Variants in ABHD12B observed in about 807,000 individuals in gnomAD.
The protein encoded by ABHD12B is protein ABHD12B.
ABHD12B carries 42 observed loss-of-function variants against 50.4 expected under a neutral mutation model. The ratio of observed to expected loss-of-function variants is 0.83; its 90% CI spans 0.65 to 1.08. The LOEUF (loss-of-function observed/expected upper bound fraction) is 1.08. Ranked by LOEUF, ABHD12B falls within the 50% of genes least tolerant of loss-of-function variation. The pLI, the probability that ABHD12B is intolerant of heterozygous loss-of-function variation, is 0.00. For missense variants in ABHD12B, 479 were observed against 447.7 expected, an observed-to-expected ratio of 1.07 and a Z score of -0.63; for synonymous variants, 167 against 160.3, an observed-to-expected ratio of 1.04 and a Z score of -0.32.
chr14:50,901,147 C>T (rs184144281), intron 9 of ABHD12B, among the ~76,000 whole-genome samples: 1 of 152,218 alleles, frequency 6.6e-6, no homozygotes, highest in East Asian at 1.9e-4. Context: ...GGATTTTTAT[C>T]CTTTACTCCT....
chr14:50,880,248 T>C (rs917665253), intron 3 of ABHD12B, among the ~76,000 whole-genome samples: 7 of 152,214 alleles, frequency 4.6e-5, no homozygotes, highest in Admixed American at 2.0e-4. Flanking sequence ...GCATTGTCTC[T>C]GTGCATGGGG....
At chr14:50,898,879 C>T (rs2050229320) in intron 9 of ABHD12B, among the ~76,000 whole-genome samples, 2 of 152,172 alleles carry the variant, frequency 1.3e-5, no homozygotes, top group African/African-American at 4.8e-5. Flanking sequence ...AAAGTTCAGG[C>T]CAGACAAATC....
chr14:50,892,418 G>A (rs2050131972), intron 9 of ABHD12B: 1 of 985,428 alleles, frequency 1.0e-6, no homozygotes, highest in East Asian at 1.1e-4. Flanking sequence ...ATTCAGGCGG[G>A]GTGCTAAGCT....
At position 50,904,895 on chromosome 14, in the gene ABHD12B, A is replaced by C. The variant is rs965642754; in HGVS notation, c.*529A>C. Reference sequence around the variant, plus strand: ...ACAAAGTAGCCCTCATCAGACACTGAATCAGCCAGTGCCTTGCTCTTGGAC... The same window carrying C: ...ACAAAGTAGCCCTCATCAGACACTGCATCAGCCAGTGCCTTGCTCTTGGAC... On this transcript the variant is annotated 3_prime_UTR_variant, in exon 13 of 13. Transcript: ENST00000337334. 1.3e-5 allele frequency: 3 copies of C among 236,202 alleles called. No individual in the cohort carries two copies. Among genetic ancestry groups the C allele is most frequent in the Non-Finnish European group, 2.5e-5 (3 of 121,726 alleles). The allele number at this position is 236,202 out of a possible 1,614,324, so 14.6% of individuals were successfully genotyped here.
chr14:50,892,926 T>A (rs2050138137), intron 9 of ABHD12B: 1 of 152,232 alleles, frequency 6.6e-6, no homozygotes. Flanking sequence ...ATAACTTCTA[T>A]GCATTTGGGC....
intron 1 of ABHD12B, 108 bp downstream of exon 1, chr14:50,872,386 C>G (rs894982509): frequency 2.5e-6 from 2 of 793,284 alleles, no homozygotes; most frequent in Non-Finnish European, 3.4e-6. Flanking sequence ...TCTGCTGGCC[C>G]GGGCCCAAGG....
chr14:50,895,372 A>G (rs1421782853), intron 9 of ABHD12B, among the ~76,000 whole-genome samples: 4 of 152,074 alleles, frequency 2.6e-5, no homozygotes, highest in African/African-American at 7.3e-5. Flanking sequence ...TCTCCAGCAC[A>G]CAAGAACTTC....
In ABHD12B at chr14:50,877,990, T is replaced by C; in HGVS notation, c.143T>C (p.Ile48Thr). The C allele has an allele frequency of 1.3e-6, 2 of 1,535,086 alleles. No homozygotes were observed. The highest frequency in any genetic ancestry group is 1.7e-6 in the Non-Finnish European group (2 of 1,146,566). Residue 48 changes from isoleucine (I) to threonine (T), a missense_variant, in exon 2 of 13, where the codon ATT becomes ACT. By Grantham distance (89) the Ile-to-Thr change is moderately conservative. Transcript: ENST00000337334. Reference sequence around the variant, plus strand: ...TCCTGTTCAATGCTCGGAAGAAAAATTGCTGCTCTGTATGACAGCTTTACT... The same window carrying C: ...TCCTGTTCAATGCTCGGAAGAAAAACTGCTGCTCTGTATGACAGCTTTACT... Reference protein sequence around the residue: ...PHSCSMLGRKIAALYDSFTSK... With the variant: ...PHSCSMLGRKTAALYDSFTSK...
At chr14:50,903,515 C>T (rs1446578738) in intron 11 of ABHD12B, 48 bp downstream of exon 11, 1 of 1,500,238 alleles carries the variant, frequency 6.7e-7, no homozygotes, top group Admixed American at 1.9e-5. Context: ...ACTCATTTCA[C>T]CATTTTTTTC....
chr14:50,894,269 C>T (rs940187673), intron 9 of ABHD12B, among the ~76,000 whole-genome samples: 4 of 151,974 alleles, frequency 2.6e-5, no homozygotes, highest in African/African-American at 9.7e-5. Context: ...TCCCGCTTTC[C>T]TAGGGGGCAA....
At chr14:50,902,060 T>G in intron 10 of ABHD12B, 149 bp downstream of exon 10, 1 of 547,904 alleles carries the variant, frequency 1.8e-6, no homozygotes, top group South Asian at 3.0e-5. Context: ...AGATGGGCAC[T>G]AAGATTTGGG....
intron 9 of ABHD12B, among the ~76,000 whole-genome samples, chr14:50,896,111 A>T (rs939064165): frequency 3.3e-5 from 5 of 151,566 alleles, no homozygotes; most frequent in Admixed American, 3.3e-4. Flanking sequence ...CCGATCATGC[A>T]CCCCTTACCA....
At chr14:50,880,971 C>G (rs2049934726) in intron 4 of ABHD12B, among the ~76,000 whole-genome samples, 1 of 152,124 alleles carries the variant, frequency 6.6e-6, no homozygotes, top group South Asian at 2.1e-4. Flanking sequence ...GTGGAGAGTC[C>G]TTTATTTAGC....
rs780150075 is a variant in ABHD12B at position 50,904,392 on chromosome 14, T to A, written c.*26T>A. ...GTCTGGGAGGAGTGGAAATCTTCAA[T>A]GAAGACTTGGCCCAAACACCACCTG... On this transcript the variant is annotated 3_prime_UTR_variant, in exon 13 of 13. Coordinates refer to ENST00000337334, the MANE Select transcript of ABHD12B (RefSeq NM_001206673.2). 1.9e-6 allele frequency: 3 copies of A among 1,613,678 alleles called. No homozygotes were observed. In the African/African-American group the frequency reaches 4.0e-5, roughly 22 times the overall value.
chr14:50,879,273 C>T (rs1005319614), intron 3 of ABHD12B, among the ~76,000 whole-genome samples: 28 of 152,244 alleles, frequency 1.8e-4, no homozygotes, highest in Non-Finnish European at 3.7e-4. Flanking sequence ...CCTCACTGCC[C>T]GTTTTAGGTA....
At chr14:50,881,427 G>A (rs1043443673) in intron 4 of ABHD12B, among the ~76,000 whole-genome samples, 169 bp from the exon 5 acceptor site, 5 of 146,416 alleles carry the variant, frequency 3.4e-5, no homozygotes, top group Non-Finnish European at 5.9e-5. Flanking sequence ...GTGAAACCCA[G>A]CATTTTTTTT....
At chr14:50,873,784 G>C (rs2049820693) in intron 1 of ABHD12B, among the ~76,000 whole-genome samples, 1 of 152,126 alleles carries the variant, frequency 6.6e-6, no homozygotes, top group Non-Finnish European at 1.5e-5. Context: ...GGCAGTAAAG[G>C]GCATTTATTA....
chr14:50,874,618 A>T (rs899983079), intron 1 of ABHD12B, among the ~76,000 whole-genome samples: 8 of 152,176 alleles, frequency 5.3e-5, no homozygotes, highest in South Asian at 2.1e-4. Context: ...ATAATAATAA[A>T]AAAAGAAAAA....
At chr14:50,896,962 A>G (rs995122739) in intron 9 of ABHD12B, among the ~76,000 whole-genome samples, 1 of 151,740 alleles carries the variant, frequency 6.6e-6, no homozygotes, top group East Asian at 1.9e-4. Flanking sequence ...GTACCTCATC[A>G]TGATTGTGGA....
Sources: gnomAD v4.1 joint callset for allele counts (sites outside exome capture counted in the v4.1 genomes callset) on GRCh38, gnomAD v4.1.1 for gene constraint, MANE v1.5 for transcripts, NCBI Gene and HGNC (gene_info 2026-07-23, HGNC 2026-07-21) for gene names.